Variants in PAPPA2 observed in about 807,000 individuals in gnomAD.
The protein encoded by PAPPA2 is pappalysin-2.
In PAPPA2, 86 loss-of-function variants were observed where a neutral mutation model predicts 176.4. That is an observed-to-expected ratio of 0.49 (90% CI 0.41 to 0.58). The LOEUF (loss-of-function observed/expected upper bound fraction) is 0.58. Among genes scored for constraint, PAPPA2 ranks in the 20% least tolerant of loss-of-function variants. PAPPA2 has a pLI of 0.00. For missense variants in PAPPA2, 2,073 were observed against 2,256.9 expected (o/e 0.92, Z 1.65); for synonymous variants, 809 against 852.2 (o/e 0.95, Z 0.88).
intron 17 of PAPPA2, among the ~76,000 whole-genome samples, chr1:176,779,208 G>A (rs2102922739): frequency 6.6e-6 from 1 of 152,232 alleles, no homozygotes; most frequent in South Asian, 2.1e-4. Context: ...ATATAAACCA[G>A]TAGGACTTTA....
chr1:176,793,544 A>G lies in PAPPA2; in HGVS notation c.5021-16A>G, dbSNP rs1368309599. On this transcript the variant is annotated splice_polypyrimidine_tract_variant and intron_variant, in intron 19 of 22. Transcript: ENST00000367662. ...TGGGAAGTTCAAGTCTCTGCTGTAA[A>G]CTTCTGTTCTTTCAGGTGCAGTGTG... 15 of 1,584,088 alleles carry G rather than the reference A, an allele frequency of 9.5e-6. No homozygotes were observed. Among genetic ancestry groups the G allele is most frequent in the East Asian group, 2.2e-5 (1 of 44,640 alleles).
chr1:176,840,341 CTCAT>C, intron 22 of PAPPA2, 70 bp downstream of exon 22: 1 of 1,227,608 alleles, frequency 8.1e-7, no homozygotes, highest in Non-Finnish European at 1.2e-6. Flanking sequence ...TCAGCTAGCT[CTCAT>C]TCATGGTGTG....
At chr1:176,733,419 G>T (rs1027931473) in intron 12 of PAPPA2, among the ~76,000 whole-genome samples, 1 of 152,092 alleles carries the variant, frequency 6.6e-6, no homozygotes, top group Non-Finnish European at 1.5e-5. Flanking sequence ...AACTGAGTGC[G>T]CTGACAGAGG....
chr1:176,591,546 A>G (rs1436509886), intron 2 of PAPPA2, among the ~76,000 whole-genome samples: 3 of 152,204 alleles, frequency 2.0e-5, no homozygotes, highest in African/African-American at 4.8e-5. Context: ...TCTGCACTAT[A>G]TTGAACTCTC....
intron 9 of PAPPA2, among the ~76,000 whole-genome samples, chr1:176,705,981 C>T (rs534639327): frequency 2.0e-5 from 3 of 152,296 alleles, no homozygotes; most frequent in Admixed American, 6.5e-5. Flanking sequence ...AGGCTTTCTT[C>T]TTACCATCAT....
chr1:176,565,516 G>A (rs1369994918), intron 2 of PAPPA2, among the ~76,000 whole-genome samples: 1 of 152,102 alleles, frequency 6.6e-6, no homozygotes, highest in Non-Finnish European at 1.5e-5. Context: ...GAAATATGAC[G>A]AAACCCCATC....
Position 176,690,083 on chromosome 1 carries a change from T to C in PAPPA2, c.2138-54T>C. Reference sequence around the variant, plus strand: ...GTTTATCAGAAAACATAATTAAGGATTGGAGAGCTATTCATTCTGTGCTCT... The same window carrying C: ...GTTTATCAGAAAACATAATTAAGGACTGGAGAGCTATTCATTCTGTGCTCT... On this transcript the variant is annotated intron_variant, in intron 4 of 22. Transcript: ENST00000367662. 3 of 1,432,528 alleles carry C rather than the reference T, an allele frequency of 2.1e-6. No homozygotes were observed. In the Admixed American group the frequency reaches 5.9e-5, roughly 28 times the overall value. 88.7% of individuals were successfully genotyped at this position (1,432,528 alleles called of 1,614,324 possible).
intron 11 of PAPPA2, 69 bp downstream of exon 11, chr1:176,710,245 C>T: frequency 7.3e-7 from 1 of 1,362,974 alleles, no homozygotes; most frequent in South Asian, 1.3e-5. Flanking sequence ...TATGCTTACA[C>T]TTGGGGTCTA....
At chr1:176,464,873 C>T (rs898213526) in intron 1 of PAPPA2, among the ~76,000 whole-genome samples, 1 of 152,068 alleles carries the variant, frequency 6.6e-6, no homozygotes, top group Admixed American at 6.5e-5. Context: ...TAAAACAATC[C>T]ATAATCCCAA....
At chr1:176,739,223 G>A (rs1662558082) in intron 12 of PAPPA2, among the ~76,000 whole-genome samples, 1 of 152,150 alleles carries the variant, frequency 6.6e-6, no homozygotes, top group African/African-American at 2.4e-5. Flanking sequence ...CAAGATGCTA[G>A]TTTGATGATT....
At chr1:176,602,503 T>A (rs1275793751) in intron 3 of PAPPA2, among the ~76,000 whole-genome samples, 1 of 152,156 alleles carries the variant, frequency 6.6e-6, no homozygotes, top group African/African-American at 2.4e-5. Context: ...TCACCCACAC[T>A]CGGAGGCTGT....
chr1:176,727,283 A>C (rs1278350820), intron 12 of PAPPA2, among the ~76,000 whole-genome samples: 1 of 152,078 alleles, frequency 6.6e-6, no homozygotes, highest in Non-Finnish European at 1.5e-5. Context: ...AGAAATTGTC[A>C]TATAAAAAGA....
chr1:176,755,004 C>T (rs768203132), intron 14 of PAPPA2, among the ~76,000 whole-genome samples: 18 of 152,300 alleles, frequency 1.2e-4, no homozygotes, highest in Non-Finnish European at 1.2e-4. Context: ...ATGATTTTAG[C>T]ACAGTCTCTT....
At chr1:176,694,179 G>A (rs1660252188) in intron 6 of PAPPA2, among the ~76,000 whole-genome samples, 1 of 152,182 alleles carries the variant, frequency 6.6e-6, no homozygotes, top group Admixed American at 6.5e-5. Flanking sequence ...TACGCACTTA[G>A]CAGCAGCCAC....
intron 12 of PAPPA2, among the ~76,000 whole-genome samples, chr1:176,732,533 C>A (rs1382782402): frequency 6.6e-6 from 1 of 152,140 alleles, no homozygotes; most frequent in Non-Finnish European, 1.5e-5. Flanking sequence ...GAAAGTATTA[C>A]AATCTTAGAC....
At chr1:176,541,945 A>G (rs1650387279) in intron 1 of PAPPA2, among the ~76,000 whole-genome samples, 1 of 152,198 alleles carries the variant, frequency 6.6e-6, no homozygotes, top group South Asian at 2.1e-4. Flanking sequence ...CTTTGTTAGC[A>G]CTTAATTCAA....
At chr1:176,692,381 G>A in intron 6 of PAPPA2, 63 bp downstream of exon 6, 1 of 1,458,724 alleles carries the variant, frequency 6.9e-7, no homozygotes, top group East Asian at 2.3e-5. Flanking sequence ...ATATGAATGA[G>A]GGGAAGAATA....
At chr1:176,822,214 T>C (rs1296962299) in intron 21 of PAPPA2, among the ~76,000 whole-genome samples, 1 of 152,136 alleles carries the variant, frequency 6.6e-6, no homozygotes, top group Non-Finnish European at 1.5e-5. Context: ...TTTAGAAACT[T>C]TCGATTACTC....
At chr1:176,672,464 G>A (rs74127222) in intron 4 of PAPPA2, among the ~76,000 whole-genome samples, 11,268 of 152,054 alleles carry the variant, frequency 0.074, 1,375 homozygotes, top group African/African-American at 0.26. Context: ...TCATAGTGAA[G>A]TCTAGAACAT....
Sources: allele counts gnomAD v4.1 joint callset (sites outside exome capture counted in the v4.1 genomes callset), GRCh38; gene constraint gnomAD v4.1.1; transcripts MANE v1.5; gene names NCBI Gene and HGNC (gene_info 2026-07-23, HGNC 2026-07-21).